NFYA: variants seen among roughly 807,000 people sequenced by gnomAD.
NFYA encodes the protein CAAT-box DNA binding protein subunit A.
In NFYA, 28 loss-of-function variants were observed where a neutral mutation model predicts 52.8. The observed-to-expected ratio is 0.53, with a 90% confidence interval of 0.39 to 0.73. The LOEUF (loss-of-function observed/expected upper bound fraction) is 0.73. NFYA is among the 30% of genes least tolerant of loss of function. NFYA has a pLI of 0.00. For synonymous variants in NFYA, 150 were observed against 150.7 expected (o/e 1.00, Z 0.03); for missense variants, 234 against 427.0 (o/e 0.55, Z 3.98).
chr6:41,081,751 G>A (rs965203891), intron 3 of NFYA, among the ~76,000 whole-genome samples: 4 of 152,100 alleles, frequency 2.6e-5, no homozygotes, highest in African/African-American at 9.7e-5. Flanking sequence ...TTTCCTGGGG[G>A]AATAGTGACC....
rs950876042 is a variant in NFYA at position 41,090,287 on chromosome 6, A to G, written c.525A>G (p.Ala175=). 3.1e-6 allele frequency: 5 copies of G among 1,613,656 alleles called. No homozygotes were observed. The highest frequency in any genetic ancestry group is 4.2e-6 in the Non-Finnish European group (5 of 1,179,616). ...GQTIVYQPVN[A]DGTILQQVTV... Reference sequence around the variant, plus strand: ...CCATCGTCTATCAACCAGTTAATGCAGATGGCACCATTCTCCAGCAAGGTA... The same window carrying G: ...CCATCGTCTATCAACCAGTTAATGCGGATGGCACCATTCTCCAGCAAGGTA... The change falls in exon 6 of 10, where the codon GCA becomes GCG. Residue 175 remains alanine, a synonymous_variant. Coordinates refer to ENST00000341376, the MANE Select transcript of NFYA (RefSeq NM_002505.5).
At chr6:41,082,007 C>A (rs1349516486) in intron 3 of NFYA, among the ~76,000 whole-genome samples, 1 of 152,132 alleles carries the variant, frequency 6.6e-6, no homozygotes. Flanking sequence ...ATTAAAATAA[C>A]TCTATTTTTG....
At chr6:41,073,422 C>T (rs1763598230) in intron 1 of NFYA, among the ~76,000 whole-genome samples, 1 of 151,960 alleles carries the variant, frequency 6.6e-6, no homozygotes, top group Non-Finnish European at 1.5e-5. Context: ...CCTGGGGCCA[C>T]GAATGGCCCT....
intron 3 of NFYA, among the ~76,000 whole-genome samples, chr6:41,081,228 G>A (rs1372427216): frequency 1.3e-5 from 2 of 152,170 alleles, no homozygotes; most frequent in African/African-American, 2.4e-5. Context: ...GGTGGCTCAC[G>A]CCTGTAATCC....
At chr6:41,081,769 T>C (rs9381034) in intron 3 of NFYA, among the ~76,000 whole-genome samples, 24,916 of 152,238 alleles carry the variant, frequency 0.16, 2,612 homozygotes, top group South Asian at 0.28. Context: ...ACCTGTCTTA[T>C]TACTAGATCT....
chr6:41,091,059 A>G (rs1764186585), intron 6 of NFYA, among the ~76,000 whole-genome samples: 1 of 152,236 alleles, frequency 6.6e-6, no homozygotes, highest in African/African-American at 2.4e-5. Flanking sequence ...ATGGTGAACA[A>G]ATCCTCAAGT....
In NFYA at chr6:41,097,469, A is replaced by G. The variant is rs927963382; in HGVS notation, c.*59A>G. The stretch of plus-strand genomic sequence containing the variant: ...TGTTTCTCACTGTTCCAGGAAATTG[A>G]TCAACTCTTCCAATGGGACATTGAT... On this transcript the variant is annotated 3_prime_UTR_variant, in exon 10 of 10. Coordinates refer to ENST00000341376, the MANE Select transcript of NFYA (RefSeq NM_002505.5). The G allele has an allele frequency of 1.9e-6, 3 of 1,557,294 alleles. No individual in the cohort carries two copies. Among genetic ancestry groups the G allele is most frequent in the Non-Finnish European group, 2.7e-6 (3 of 1,129,378 alleles).
At chr6:41,084,829 G>T (rs995161810) in intron 4 of NFYA, among the ~76,000 whole-genome samples, 1 of 152,200 alleles carries the variant, frequency 6.6e-6, no homozygotes, top group Admixed American at 6.5e-5. Context: ...GGGCGTGGTG[G>T]CACGCACCTG....
chr6:41,082,214 A>G (rs1455308476), intron 3 of NFYA, among the ~76,000 whole-genome samples: 1 of 152,212 alleles, frequency 6.6e-6, no homozygotes, highest in Non-Finnish European at 1.5e-5. Flanking sequence ...AGTGTTTGGT[A>G]ATGATGTACA....
At chr6:41,093,564 A>G (rs1764255535) in intron 8 of NFYA, among the ~76,000 whole-genome samples, 1 of 151,320 alleles carries the variant, frequency 6.6e-6, no homozygotes, top group South Asian at 2.1e-4. Context: ...TGCACCTTCC[A>G]TGTTCAAGTG....
chr6:41,089,555 C>CT, intron 4 of NFYA, 24 bp from the exon 5 acceptor site: 1 of 1,591,096 alleles, frequency 6.3e-7, no homozygotes, highest in East Asian at 2.3e-5. Context: ...GAGTACAATC[C>CT]TTTTTTTATG....
chr6:41,080,671 A>T (rs1286808519), intron 2 of NFYA, 140 bp from the exon 3 acceptor site: 4 of 591,758 alleles, frequency 6.8e-6, no homozygotes, highest in African/African-American at 5.5e-5. Flanking sequence ...TCAACAAAAC[A>T]GCTTCAATAT....
intron 4 of NFYA, among the ~76,000 whole-genome samples, chr6:41,086,248 T>G (rs1383907111): frequency 6.6e-6 from 1 of 152,196 alleles, no homozygotes; most frequent in Admixed American, 6.5e-5. Flanking sequence ...AGCATTCTGA[T>G]CTTGGCCAAG....
chr6:41,094,802 G>C (rs1197065493), intron 9 of NFYA, among the ~76,000 whole-genome samples: 1 of 152,122 alleles, frequency 6.6e-6, no homozygotes, highest in African/African-American at 2.4e-5. Flanking sequence ...AGCCAGGCCT[G>C]GTGATGCATG....
intron 4 of NFYA, among the ~76,000 whole-genome samples, chr6:41,086,816 A>G (rs1764058872): frequency 1.3e-5 from 2 of 152,214 alleles, no homozygotes; most frequent in African/African-American, 4.8e-5. Context: ...AGAATGATAC[A>G]GAAAAGAAAC....
chr6:41,102,326 A>G lies in NFYA; in HGVS notation c.*4916A>G, dbSNP rs1392719674. Among the ~76,000 whole-genome samples the G allele has an allele frequency of 6.6e-6, 1 of 152,118 alleles. No individual in the cohort carries two copies. The highest frequency in any genetic ancestry group is 2.4e-5 in the African/African-American group (1 of 41,428). ...TCACATTCTATTGACTCATTGTTCA[A>G]AGGGGGGGCAGGAGGAGCTAATTTC... On this transcript the variant is annotated 3_prime_UTR_variant, in exon 10 of 10. Coordinates refer to ENST00000341376, the MANE Select transcript of NFYA (RefSeq NM_002505.5).
rs772576739 is a variant in NFYA, at chr6:41,098,454, G to A, written c.*1044G>A. ...ACGATTCTCCAGTGGATGGATACCTGGAATGGATCATTAAGATGAAGAGAG... is the reference window on the plus strand; with the variant it reads ...ACGATTCTCCAGTGGATGGATACCTAGAATGGATCATTAAGATGAAGAGAG... On this transcript the variant is annotated 3_prime_UTR_variant, in exon 10 of 10. Transcript: ENST00000341376. 4 of 152,154 alleles carry A rather than the reference G, an allele frequency of 2.6e-5. No individual in the cohort carries two copies. Among genetic ancestry groups the A allele is most frequent in the Non-Finnish European group, 5.9e-5 (4 of 68,036 alleles). The allele number at this position is 152,154 out of a possible 1,614,324, so 9.4% of individuals were successfully genotyped here. A position where few individuals can be genotyped will look rare whatever the true frequency, so the allele number is the denominator to read the frequency against.
intron 7 of NFYA, 60 bp from the exon 8 acceptor site, chr6:41,092,852 A>G: frequency 6.6e-7 from 1 of 1,522,284 alleles, no homozygotes; most frequent in Non-Finnish European, 8.8e-7. Flanking sequence ...AGGAACCAAG[A>G]AACTGTTTCT....
At chr6:41,087,979 C>A (rs1333171269) in intron 4 of NFYA, among the ~76,000 whole-genome samples, 1 of 152,066 alleles carries the variant, frequency 6.6e-6, no homozygotes, top group South Asian at 2.1e-4. Context: ...ATAGGAGATA[C>A]AAATTAAATC....
Sources: gnomAD v4.1 joint callset for allele counts (sites outside exome capture counted in the v4.1 genomes callset) on GRCh38, gnomAD v4.1.1 for gene constraint, MANE v1.5 for transcripts, NCBI Gene and HGNC (gene_info 2026-07-23, HGNC 2026-07-21) for gene names.